MYOF: variants seen among roughly 807,000 people sequenced by gnomAD.
MYOF encodes fer-1-like 3, myoferlin.
MYOF carries 244 observed loss-of-function variants against 284.2 expected under a neutral mutation model. The ratio of observed to expected loss-of-function variants is 0.86; its 90% CI spans 0.77 to 0.95. The LOEUF (loss-of-function observed/expected upper bound fraction) is 0.95, where lower values mean the gene tolerates loss of function less well. Ranked by LOEUF, MYOF falls within the 40% of genes least tolerant of loss-of-function variation. The pLI is 0.00. For missense variants in MYOF, 2,496 were observed against 2,560.6 expected, an observed-to-expected ratio of 0.97 and a Z score of 0.54; for synonymous variants, 904 against 919.7, an observed-to-expected ratio of 0.98 and a Z score of 0.31.
intron 50 of MYOF, among the ~76,000 whole-genome samples, chr10:93,313,792 T>C (rs1383190337): frequency 6.6e-6 from 1 of 151,982 alleles, no homozygotes; most frequent in Admixed American, 6.6e-5. Context: ...TCCCAGCTAC[T>C]CAAGAGGCTG....
rs1266422035 is a variant in MYOF, at chr10:93,355,661, C to T, written c.3370G>A (p.Ala1124Thr). Residue 1124 changes from alanine (A) to threonine (T), a missense_variant, in exon 31 of 54, where the codon GCA (alanine) becomes ACA (threonine). Physicochemically the swap from Ala to Thr is moderately conservative, Grantham distance 58 (BLOSUM62 0). Coordinates refer to ENST00000359263, the MANE Select transcript of MYOF (RefSeq NM_013451.4). Reference sequence around the variant, plus strand: ...TTGCAGGAAACAATGGGGGTGTTTGCTCCGAACACAGTGGTGGCACTGTGC... The same window carrying T: ...TTGCAGGAAACAATGGGGGTGTTTGTTCCGAACACAGTGGTGGCACTGTGC... ...QKHSATTVFG[A>T]NTPIVSCNFD... is the part of the protein sequence containing the mutation. 22 of 1,612,154 alleles carry T rather than the reference C, an allele frequency of 1.4e-5. No homozygotes were observed. Among genetic ancestry groups the T allele is most frequent in the Non-Finnish European group, 1.7e-5 (20 of 1,178,790 alleles).
At chr10:93,479,804 C>T (rs937325472) in intron 1 of MYOF, among the ~76,000 whole-genome samples, 2 of 151,970 alleles carry the variant, frequency 1.3e-5, no homozygotes, top group African/African-American at 4.8e-5. Context: ...CTTTACCACT[C>T]GATTTGTATG....
At chr10:93,401,372 A>C in intron 12 of MYOF, 46 bp downstream of exon 12, 1 of 1,602,542 alleles carries the variant, frequency 6.2e-7, no homozygotes, top group Non-Finnish European at 8.5e-7. Context: ...ACATTTCATC[A>C]CACACATAAT....
At chr10:93,434,132 G>A (rs1848998536) in intron 3 of MYOF, among the ~76,000 whole-genome samples, 1 of 152,000 alleles carries the variant, frequency 6.6e-6, no homozygotes, top group South Asian at 2.1e-4. Context: ...AATATCACAA[G>A]CAGAATTTGT....
chr10:93,401,649 G>T, intron 11 of MYOF, 105 bp from the exon 12 acceptor site: 1 of 1,454,306 alleles, frequency 6.9e-7, no homozygotes, highest in Non-Finnish European at 9.3e-7. Context: ...TTTCCATTAA[G>T]ATTTCCTGTG....
intron 17 of MYOF, among the ~76,000 whole-genome samples, chr10:93,391,870 A>C (rs1426719763): frequency 6.6e-6 from 1 of 152,204 alleles, no homozygotes; most frequent in Non-Finnish European, 1.5e-5. Flanking sequence ...TCCTACAAAT[A>C]ATTACTGTAT....
In MYOF at chr10:93,351,460, C is replaced by T. The variant is rs370249231; in HGVS notation, c.3775G>A (p.Ala1259Thr). 11 of 1,614,120 alleles carry T rather than the reference C, an allele frequency of 6.8e-6. No individual in the cohort carries two copies. In the African/African-American group the frequency reaches 8.0e-5, roughly 12 times the overall value. The change falls in exon 34 of 54, where the codon GCC becomes ACC. Residue 1259 changes from alanine (A) to threonine (T), a missense_variant. By Grantham distance (58) the Ala-to-Thr change is moderately conservative (BLOSUM62 0). Around this residue, in one of 3 missense-constraint regions of MYOF, gnomAD observed 2,436 missense variants for 2,480.7 expected, o/e 0.98. Coordinates refer to ENST00000359263, the MANE Select transcript of MYOF (RefSeq NM_013451.4). ...GCAGTTACAAGAACATCCCCGCAGGCTTTGTCTCCATTCATTACTGGGTGC... is the reference window on the plus strand; with the variant it reads ...GCAGTTACAAGAACATCCCCGCAGGTTTTGTCTCCATTCATTACTGGGTGC... Reference protein sequence around the residue: ...LWHPVMNGDKACGDVLVTAEL... With the variant: ...LWHPVMNGDKTCGDVLVTAEL...
intron 26 of MYOF, among the ~76,000 whole-genome samples, chr10:93,365,545 C>A (rs142473146): frequency 6.6e-6 from 1 of 152,296 alleles, no homozygotes; most frequent in South Asian, 2.1e-4. Flanking sequence ...TGGGTGCCCA[C>A]GCTAGACTTG....
chr10:93,308,584 C>CGA (rs756173433), intron 53 of MYOF, among the ~76,000 whole-genome samples: 1 of 94,604 alleles, frequency 1.1e-5, no homozygotes, highest in Non-Finnish European at 2.1e-5. Flanking sequence ...GACTCTGTCT[C>CGA]AAAAAAAAAA....
intron 30 of MYOF, 149 bp from the exon 31 acceptor site, chr10:93,355,885 A>T (rs751429971): frequency 2.0e-4 from 119 of 595,316 alleles, no homozygotes; most frequent in Non-Finnish European, 9.8e-5. Context: ...AAGATGAATA[A>T]GTCCCAGGAT....
Position 93,381,303 on chromosome 10 carries a change from T to C in MYOF, c.1792A>G (p.Ser598Gly). The change falls in exon 20 of 54, where the codon AGC (serine) becomes GGC (glycine). Residue 598 changes from serine to glycine, a missense_variant. Around this residue, in one of 3 missense-constraint regions of MYOF, gnomAD observed 2,436 missense variants for 2,480.7 expected, o/e 0.98. Coordinates refer to ENST00000359263, the MANE Select transcript of MYOF (RefSeq NM_013451.4). ...AACTTGTTGCCATAGTTCCCAATGC[T>C]GACTTCAAACTGAATGGCCTCACCA... The part of the protein sequence containing the change: ...DVGEAIQFEV[S>G]IGNYGNKFDT... 1 of 1,614,220 alleles carries C rather than the reference T, an allele frequency of 6.2e-7. No individual in the cohort carries two copies. The highest frequency in any genetic ancestry group is 8.5e-7 in the Non-Finnish European group (1 of 1,180,032).
chr10:93,479,171 C>T (rs1296558738), intron 1 of MYOF, among the ~76,000 whole-genome samples: 1 of 150,168 alleles, frequency 6.7e-6, no homozygotes, highest in Non-Finnish European at 1.5e-5. Flanking sequence ...GATGGAGTCT[C>T]GTTCTATCTC....
chr10:93,374,011 G>GC (rs2133974462), intron 23 of MYOF, among the ~76,000 whole-genome samples: 1 of 152,108 alleles, frequency 6.6e-6, no homozygotes, highest in South Asian at 2.1e-4. Flanking sequence ...CCCTCCCCCA[G>GC]CCCCCTATCC....
chr10:93,470,768 G>A (rs1438145930), intron 1 of MYOF, among the ~76,000 whole-genome samples: 4 of 152,148 alleles, frequency 2.6e-5, no homozygotes, highest in Non-Finnish European at 4.4e-5. Context: ...TGTGGGCAGG[G>A]CCAAACTTGC....
At chr10:93,374,014 C>T (rs1374412203) in intron 23 of MYOF, among the ~76,000 whole-genome samples, 2 of 152,184 alleles carry the variant, frequency 1.3e-5, no homozygotes, top group East Asian at 3.9e-4. Context: ...TCCCCCAGCC[C>T]CCTATCCCGC....
In MYOF at chr10:93,329,578, A is replaced by C. The variant is rs1843210236; in HGVS notation, c.4982+86T>G. On this transcript the variant is annotated intron_variant, in intron 44 of 53. Transcript: ENST00000359263. The stretch of plus-strand genomic sequence containing the variant: ...GATAGGAGCAGTGGCTCAGTGAAGG[A>C]AGGCACTAAGGTAGAGGGCCTAGGC... 5.1e-6 allele frequency: 7 copies of C among 1,378,626 alleles called. No individual in the cohort carries two copies. In the South Asian group the frequency reaches 8.7e-5, roughly 17 times the overall value. The allele number at this position is 1,378,626 out of a possible 1,614,324, so 85.4% of individuals were successfully genotyped here. A position where few individuals can be genotyped will look rare whatever the true frequency, so the allele number is the denominator to read the frequency against.
At chr10:93,454,043 G>T (rs79410379) in intron 2 of MYOF, among the ~76,000 whole-genome samples, 1,757 of 152,198 alleles carry the variant, frequency 0.012, 32 homozygotes, top group African/African-American at 0.04. Flanking sequence ...TTAGCCAGGC[G>T]TAGTGGCATA....
At chr10:93,387,702 G>C (rs1377123241) in intron 19 of MYOF, 95 bp downstream of exon 19, 1 of 915,454 alleles carries the variant, frequency 1.1e-6, no homozygotes, top group African/African-American at 1.6e-5. Flanking sequence ...GGGCCTCATT[G>C]TGAGTTGGGT....
chr10:93,312,923 TCCTC>T, intron 51 of MYOF, 93 bp downstream of exon 51: 1 of 1,277,880 alleles, frequency 7.8e-7, no homozygotes. Context: ...ATTTAAAACT[TCCTC>T]ATTTTATCTG....
Sources: gnomAD v4.1 joint callset for allele counts (sites outside exome capture counted in the v4.1 genomes callset) on GRCh38, gnomAD v4.1.1 for gene constraint, gnomAD v4.1.1 regional missense constraint, MANE v1.5 for transcripts, NCBI Gene and HGNC (gene_info 2026-07-23, HGNC 2026-07-21) for gene names.